DST: variants seen among roughly 807,000 people sequenced by gnomAD.
DST encodes dystonin.
A neutral mutation model predicts 875.2 loss-of-function variants in DST; 253 were observed. The observed-to-expected ratio is 0.29, with a 90% confidence interval of 0.26 to 0.32. DST has a LOEUF of 0.32. DST is among the 10% of genes least tolerant of loss of function. The pLI is 1.00. For synonymous variants in DST, 3,124 were observed against 3,197.1 expected (o/e 0.98, Z 0.77); for missense variants, 8,287 against 9,111.6 (o/e 0.91, Z 3.68).
In DST at chr6:56,631,933, G is replaced by A. The variant is rs756379041; in HGVS notation, c.3913C>T (p.Leu1305=). The A allele has an allele frequency of 6.2e-7, 1 of 1,613,940 alleles. No individual in the cohort carries two copies. The highest frequency in any genetic ancestry group is 1.7e-5 in the Admixed American group (1 of 60,026). ...CTTTCATGCAAATCATCTCTTTCCA[G>A]GGGAGTTCGAATCTGTCTAATCAGC... ...DRLIRQIRTP[L]ERDDLHESVF... is the part of the protein sequence containing the mutation. Residue 1305 remains leucine, a synonymous_variant, in exon 29 of 104, where the codon CTG becomes TTG. Transcript: ENST00000680361.
At chr6:56,673,234 G>A (rs2099111360) in intron 9 of DST, among the ~76,000 whole-genome samples, 1 of 152,012 alleles carries the variant, frequency 6.6e-6, no homozygotes. Context: ...AACAGAGTGA[G>A]GCCCTTAAAA....
intron 90 of DST, among the ~76,000 whole-genome samples, chr6:56,478,174 C>A (rs1008060858): frequency 1.7e-4 from 26 of 151,978 alleles, no homozygotes; most frequent in Non-Finnish European, 3.2e-4. Flanking sequence ...TAAGTTCTAA[C>A]AAATAAGGTA....
At chr6:56,863,075 G>A in intron 3 of DST, 1 of 152,386 alleles carries the variant, frequency 6.6e-6, no homozygotes, top group Non-Finnish European at 1.5e-5. Context: ...CTATAGCTCT[G>A]GCTCCTGGAG....
At chr6:56,611,690 G>T in intron 37 of DST, 94 bp from the exon 38 acceptor site, 1 of 866,940 alleles carries the variant, frequency 1.2e-6, no homozygotes, top group South Asian at 1.7e-5. Flanking sequence ...CTTTAGTCAA[G>T]ACCCAAGTCT....
chr6:56,568,471 G>T lies in DST; in HGVS notation c.14003C>A (p.Ser4668Ter). Residue 4668 changes from serine (S) to a stop codon, truncating the protein, a stop_gained and splice_region_variant, in exon 55 of 104, where the codon TCA becomes TAA. Transcript: ENST00000680361. LOFTEE classifies it high-confidence loss of function. ...ATAAATGTAAATAAAGCTCATACCTGATTTAACTGCTGCTATTGCCTTTGC... is the reference window on the plus strand; with the variant it reads ...ATAAATGTAAATAAAGCTCATACCTTATTTAACTGCTGCTATTGCCTTTGC... ...TPAKAIAAVK[S>*]GGAVLNGEGT... 1 of 1,598,224 alleles carries T rather than the reference G, an allele frequency of 6.3e-7. No homozygotes were observed. The highest frequency in any genetic ancestry group is 1.2e-5 in the South Asian group (1 of 85,932).
chr6:56,684,904 G>C (rs929906719), intron 9 of DST, among the ~76,000 whole-genome samples: 4 of 152,088 alleles, frequency 2.6e-5, no homozygotes, highest in Non-Finnish European at 5.9e-5. Flanking sequence ...ATACCGTCCT[G>C]GATCTCTCAC....
chr6:56,496,237 G>C (rs2095898134), intron 82 of DST, among the ~76,000 whole-genome samples: 1 of 152,048 alleles, frequency 6.6e-6, no homozygotes, highest in Non-Finnish European at 1.5e-5. Flanking sequence ...ATCCAAAGTA[G>C]CCTAAATTTA....
rs767569273 is a variant in DST at position 56,482,156 on chromosome 6, A to G, written c.21425T>C (p.Val7142Ala). ...LRQAEEFHSV[V>A]HALLEWLAEA... ...AGCCAGCCACTCCAAGAGGGCATGTACCACCGAGTGGAATTCCTCTGCCTA... is the reference window on the plus strand; with the variant it reads ...AGCCAGCCACTCCAAGAGGGCATGTGCCACCGAGTGGAATTCCTCTGCCTA... The change falls in exon 90 of 104, where the codon GTA becomes GCA. Residue 7142 changes from valine to alanine, a missense_variant. By Grantham distance (64) the Val-to-Ala change is moderately conservative. Coordinates refer to ENST00000680361, the MANE Select transcript of DST (RefSeq NM_001374736.1). 2 of 1,611,076 alleles carry G rather than the reference A, an allele frequency of 1.2e-6. No individual in the cohort carries two copies. Among genetic ancestry groups the G allele is most frequent in the South Asian group, 1.1e-5 (1 of 90,976 alleles).
In DST at chr6:56,608,309, T is replaced by C. The variant is rs2098515674; in HGVS notation, c.6319A>G (p.Ile2107Val). ...AYKILNGRQK[I>V]AALYIPESSQ... The stretch of plus-strand genomic sequence containing the variant: ...CTTTCTGGAATATAAAGAGCAGCTA[T>C]TTTTTGTCTGCCATTCAGGATTTTG... The change falls in exon 40 of 104, where the codon ATA (isoleucine) becomes GTA (valine). Residue 2107 changes from isoleucine to valine, a missense_variant. Transcript: ENST00000680361. 1 of 1,613,244 alleles carries C rather than the reference T, an allele frequency of 6.2e-7. No homozygotes were observed. The highest frequency in any genetic ancestry group is 8.5e-7 in the Non-Finnish European group (1 of 1,179,786).
intron 9 of DST, among the ~76,000 whole-genome samples, chr6:56,696,319 C>T (rs936805306): frequency 1.1e-4 from 17 of 152,108 alleles, no homozygotes; most frequent in Non-Finnish European, 1.8e-4. Flanking sequence ...TGTGCCACAA[C>T]GCCCGGCGAA....
At chr6:56,463,199 A>T in intron 101 of DST, 43 bp from the exon 102 acceptor site, 1 of 1,156,828 alleles carries the variant, frequency 8.6e-7, no homozygotes, top group South Asian at 1.3e-5. Context: ...GATAGCAGAT[A>T]AAAAAAACAA....
Position 56,609,084 on chromosome 6 carries a change from C to A in DST, c.5544G>T (p.Ala1848=), listed in dbSNP as rs750583880. The A allele has an allele frequency of 6.2e-6, 10 of 1,613,780 alleles. No homozygotes were observed. Among genetic ancestry groups the A allele is most frequent in the Non-Finnish European group, 7.6e-6 (9 of 1,179,780 alleles). ...CCAGTACTGGAATTGTGGTAGGTGA[C>A]GCAGCAGAAATAATCTCCTTAGCTT... ...LSKAKEIISA[A]SPTTIPVLDA... is the part of the protein sequence containing the mutation. Residue 1848 remains alanine (A), a synonymous_variant, in exon 40 of 104, where the codon GCG becomes GCT. Coordinates refer to ENST00000680361, the MANE Select transcript of DST (RefSeq NM_001374736.1).
intron 80 of DST, among the ~76,000 whole-genome samples, chr6:56,500,467 A>G (rs1290924112): frequency 6.6e-6 from 1 of 152,162 alleles, no homozygotes; most frequent in African/African-American, 2.4e-5. Flanking sequence ...AGTGCAGGAC[A>G]TATAACAACT....
At chr6:56,691,362 G>A (rs913262168) in intron 9 of DST, among the ~76,000 whole-genome samples, 4 of 152,096 alleles carry the variant, frequency 2.6e-5, no homozygotes, top group South Asian at 2.1e-4. Flanking sequence ...GCAAGGTGTA[G>A]CGGTGTATAT....
At chr6:56,942,248 G>C (rs959229145) in intron 2 of DST, among the ~76,000 whole-genome samples, 21 of 151,868 alleles carry the variant, frequency 1.4e-4, no homozygotes, top group African/African-American at 5.1e-4. Context: ...ATATAGTTAG[G>C]CCCTGCTATT....
At chr6:56,723,748 A>G (rs2099430790) in intron 5 of DST, among the ~76,000 whole-genome samples, 1 of 152,214 alleles carries the variant, frequency 6.6e-6, no homozygotes, top group Non-Finnish European at 1.5e-5. Flanking sequence ...CTCTTTGACA[A>G]AAGATTCCAA....
chr6:56,844,268 C>T (rs1359517443), intron 4 of DST, among the ~76,000 whole-genome samples: 2 of 152,086 alleles, frequency 1.3e-5, no homozygotes, highest in Non-Finnish European at 2.9e-5. Context: ...GCGCCTGCGC[C>T]TGAGCTCCCG....
intron 55 of DST, among the ~76,000 whole-genome samples, chr6:56,567,580 C>T (rs553170391): frequency 2.0e-5 from 3 of 151,516 alleles, no homozygotes; most frequent in South Asian, 4.2e-4. Context: ...CAAAACTTCA[C>T]ACTTCAGGAA....
chr6:56,615,574 CAGTTTA>C, intron 36 of DST: 1 of 1,614,100 alleles, frequency 6.2e-7, no homozygotes, highest in Non-Finnish European at 8.5e-7. Flanking sequence ...ATACTTCTAA[CAGTTTA>C]AGTCCTGTGT....
Sources: gnomAD v4.1 joint callset for allele counts (sites outside exome capture counted in the v4.1 genomes callset) on GRCh38, gnomAD v4.1.1 for gene constraint, MANE v1.5 for transcripts, NCBI Gene and HGNC (gene_info 2026-07-23, HGNC 2026-07-21) for gene names.